DOCK8: variants seen among roughly 807,000 people sequenced by gnomAD.
DOCK8 encodes dedicator of cytokinesis 8.
Under a neutral mutation model 245.6 loss-of-function variants are expected in DOCK8, and 141 were observed. The observed-to-expected ratio is 0.57, with a 90% CI of 0.50 to 0.66. The LOEUF (loss-of-function observed/expected upper bound fraction) is 0.66, where lower values mean the gene tolerates loss of function less well. DOCK8 is among the 30% of genes least tolerant of loss of function. The probability of loss-of-function intolerance (pLI) is 0.00; values close to 1 mark genes in which losing one functional copy is unlikely to be tolerated. For synonymous variants in DOCK8, 1,168 were observed against 970.2 expected (o/e 1.20, Z -3.79); for missense variants, 2,965 against 2,603.4 (o/e 1.14, Z -3.02).
intron 14 of DOCK8, among the ~76,000 whole-genome samples, chr9:367,378 A>G (rs915772395): frequency 3.3e-5 from 5 of 152,230 alleles, no homozygotes; most frequent in African/African-American, 9.6e-5. Context: ...TGGAACTTAC[A>G]CTGTAGTGGA....
intron 1 of DOCK8, among the ~76,000 whole-genome samples, chr9:234,779 A>G (rs1232820488): frequency 6.6e-6 from 1 of 151,428 alleles, no homozygotes; most frequent in Non-Finnish European, 1.5e-5. Context: ...TGCATTGGTT[A>G]TTCTAGTTAT....
rs549988249 is a variant in DOCK8 at position 400,238 on chromosome 9, C to G, written c.3234+979C>G. Among the ~76,000 whole-genome samples, 3 of 102,422 alleles carry G rather than the reference C, an allele frequency of 2.9e-5. 1 individual carries two copies. Among genetic ancestry groups the G allele is most frequent in the Admixed American group, 9.6e-5 (1 of 10,446 alleles). 67.2% of individuals were successfully genotyped at this position (102,422 alleles called of 152,430 possible). ...ACTATCACCACCACCTCCACCATCACCACCACCTCCACCATCACCACCACC... is the reference window on the plus strand; with the variant it reads ...ACTATCACCACCACCTCCACCATCAGCACCACCTCCACCATCACCACCACC... On this transcript the variant is annotated intron_variant, in intron 26 of 47. Transcript: ENST00000432829.
intron 1 of DOCK8, among the ~76,000 whole-genome samples, chr9:269,261 G>C (rs1430651129): frequency 1.3e-5 from 2 of 152,108 alleles, no homozygotes; most frequent in African/African-American, 4.8e-5. Context: ...CTTTCTGTCT[G>C]TATAGATTTT....
Position 282,472 on chromosome 9 carries a change from G to A in DOCK8, c.157-3989G>A, listed in dbSNP as rs184930536. 1.6e-3 allele frequency among the ~76,000 whole-genome samples: 233 copies of A among 146,444 alleles called. 2 individuals carry two copies. Among genetic ancestry groups the A allele is most frequent in the African/African-American group, 5.8e-3 (228 of 39,366 alleles). On this transcript the variant is annotated intron_variant, in intron 2 of 47. Transcript: ENST00000432829. ...GTCTTCCTGTCACTCAGGCTGGAGT[G>A]CAGTGATGTGATCACAGCTCACTGC... is the stretch of plus-strand genomic sequence containing the variant.
intron 2 of DOCK8, among the ~76,000 whole-genome samples, chr9:279,582 C>T (rs1344681093): frequency 2.0e-5 from 3 of 152,162 alleles, no homozygotes; most frequent in Admixed American, 6.5e-5. Flanking sequence ...GACTGGGACA[C>T]CCTGAGACAA....
intron 27 of DOCK8, among the ~76,000 whole-genome samples, chr9:406,601 C>T (rs1334334085): frequency 1.3e-5 from 2 of 151,702 alleles, no homozygotes; most frequent in African/African-American, 2.4e-5. Flanking sequence ...GGGTGAGGTT[C>T]TTATTTCTCT....
At position 429,847 on chromosome 9, in the gene DOCK8, C is replaced by T; in HGVS notation, c.4619C>T (p.Ala1540Val). The T allele has an allele frequency of 6.2e-7, 1 of 1,614,008 alleles. No homozygotes were observed. Among genetic ancestry groups the T allele is most frequent in the Non-Finnish European group, 8.5e-7 (1 of 1,180,002 alleles). Residue 1540 changes from alanine (A) to valine (V), a missense_variant, in exon 36 of 48, where the codon GCC becomes GTC. Coordinates refer to ENST00000432829, the MANE Select transcript of DOCK8 (RefSeq NM_203447.4). ...LYLLMRFSFG[A>V]TSNFARVKMQ... The stretch of plus-strand genomic sequence containing the variant: ...CTCCTCATGAGGTTCAGTTTTGGAG[C>T]CACCAGTGTAAGAGTTCAAACCAGC...
Position 336,689 on chromosome 9 carries a change from A to G in DOCK8, c.1393A>G (p.Thr465Ala). The G allele has an allele frequency of 6.2e-7, 1 of 1,613,894 alleles. No individual in the cohort carries two copies. Among genetic ancestry groups the G allele is most frequent in the South Asian group, 1.1e-5 (1 of 91,070 alleles). The change falls in exon 12 of 48, where the codon ACT (threonine) becomes GCT (alanine). Residue 465 changes from threonine (T) to alanine (A), a missense_variant. Transcript: ENST00000432829. ...NGVGSNFKTS[T>A]LSVSSFFKQE... ...GGTTGGATCCAACTTCAAAACCTCCACTCTGAGCGTTAGCAGCTTTTTCAA... is the reference window on the plus strand; with the variant it reads ...GGTTGGATCCAACTTCAAAACCTCCGCTCTGAGCGTTAGCAGCTTTTTCAA...
intron 15 of DOCK8, chr9:368,758 T>A (rs1250261028): frequency 6.6e-6 from 1 of 151,682 alleles, no homozygotes; most frequent in Non-Finnish European, 1.5e-5. Context: ...GAGATGGTGG[T>A]TAGCTATTAC....
At chr9:291,566 CATAAT>C (rs573924013) in intron 4 of DOCK8, among the ~76,000 whole-genome samples, 3 of 152,162 alleles carry the variant, frequency 2.0e-5, no homozygotes, top group African/African-American at 7.2e-5. Flanking sequence ...TTGATGATTG[CATAAT>C]ATATTTATAC....
chr9:355,816 C>G (rs1293978190), intron 14 of DOCK8, among the ~76,000 whole-genome samples: 3 of 151,864 alleles, frequency 2.0e-5, no homozygotes, highest in Non-Finnish European at 4.4e-5. Flanking sequence ...ACTCACCTCC[C>G]AAGCATCTGC....
chr9:219,207 C>T (rs999940546), intron 1 of DOCK8, among the ~76,000 whole-genome samples: 1 of 152,230 alleles, frequency 6.6e-6, no homozygotes, highest in Non-Finnish European at 1.5e-5. Context: ...CACTGGCTCA[C>T]GCCTGTAATC....
intron 2 of DOCK8, among the ~76,000 whole-genome samples, chr9:277,403 C>T (rs776374777): frequency 9.4e-5 from 14 of 149,308 alleles, no homozygotes; most frequent in Non-Finnish European, 1.6e-4. Context: ...CTAGCCTGGG[C>T]AACAGAGTGA....
chr9:246,774 T>TTTTATTTA (rs553183270), intron 1 of DOCK8, among the ~76,000 whole-genome samples: 2 of 152,078 alleles, frequency 1.3e-5, no homozygotes, highest in Non-Finnish European at 2.9e-5. Flanking sequence ...TTTTTAAAGC[T>TTTTATTTA]TTTATTTATT....
chr9:243,779 A>G (rs571995279), intron 1 of DOCK8, among the ~76,000 whole-genome samples: 2 of 152,208 alleles, frequency 1.3e-5, no homozygotes, highest in East Asian at 3.9e-4. Flanking sequence ...GAGTGTGTCA[A>G]TGAAAGGGAC....
intron 1 of DOCK8, among the ~76,000 whole-genome samples, chr9:234,365 A>G (rs893832210): frequency 1.5e-4 from 23 of 152,174 alleles, no homozygotes; most frequent in African/African-American, 4.3e-4. Context: ...GAATCTGACA[A>G]TTATGTGTCT....
At chr9:268,948 A>G (rs771488296) in intron 1 of DOCK8, among the ~76,000 whole-genome samples, 7 of 152,206 alleles carry the variant, frequency 4.6e-5, no homozygotes, top group Non-Finnish European at 7.3e-5. Flanking sequence ...AAATCAGTCT[A>G]TCAAGCACTT....
intron 30 of DOCK8, among the ~76,000 whole-genome samples, chr9:419,848 A>G (rs1307628520): frequency 6.6e-6 from 1 of 152,256 alleles, no homozygotes; most frequent in Non-Finnish European, 1.5e-5. Context: ...AACTTCCATT[A>G]CAGAGAACTC....
intron 14 of DOCK8, among the ~76,000 whole-genome samples, chr9:361,230 G>A (rs1023547600): frequency 5.3e-5 from 8 of 152,068 alleles, no homozygotes; most frequent in African/African-American, 1.9e-4. Context: ...ATAGAGACTG[G>A]GAGAGTCTGA....
Sources: gnomAD v4.1 joint callset for allele counts (sites outside exome capture counted in the v4.1 genomes callset) on GRCh38, gnomAD v4.1.1 for gene constraint, MANE v1.5 for transcripts, NCBI Gene and HGNC (gene_info 2026-07-23, HGNC 2026-07-21) for gene names.